Variants in DNAJC7 observed in about 807,000 individuals in gnomAD.
DNAJC7 encodes dnaJ homolog subfamily C member 7.
Under a neutral mutation model 67.4 loss-of-function variants are expected in DNAJC7, and 18 were observed. The ratio of observed to expected loss-of-function variants is 0.27; its 90% confidence interval spans 0.18 to 0.40. The LOEUF (loss-of-function observed/expected upper bound fraction) is 0.40, where lower values mean the gene tolerates loss of function less well. DNAJC7 is among the 10% of genes least tolerant of loss of function. The pLI is 1.00. For synonymous variants in DNAJC7, 220 were observed against 207.8 expected, an observed-to-expected ratio of 1.06 and a Z score of -0.50; for missense variants, 419 against 613.8, an observed-to-expected ratio of 0.68 and a Z score of 3.35.
chr17:42,006,796 C>CAA lies in DNAJC7; in HGVS notation c.78-6228_78-6227dup, dbSNP rs57155070. Among the ~76,000 whole-genome samples the CAA allele has an allele frequency of 7.7e-4, 18 of 23,326 alleles. 1 individual carries two copies. The highest frequency in any genetic ancestry group is 3.0e-3 in the East Asian group (2 of 658). The allele number at this position is 23,326 out of a possible 152,430, so 15.3% of individuals were successfully genotyped here. A position where few individuals can be genotyped will look rare whatever the true frequency, so the allele number is the denominator to read the frequency against. ...TGGGCAACAGAGCAAGACTCCGTCT[C>CAA]AAAAAAAAAAAAAAAAAAAAAAGTC... is the stretch of plus-strand genomic sequence containing the variant. On this transcript the variant is annotated intron_variant, in intron 1 of 13. Transcript: ENST00000457167.
At position 41,996,314 on chromosome 17, in the gene DNAJC7, T is replaced by C; in HGVS notation, c.402A>G (p.Gln134=). 1 of 1,613,532 alleles carries C rather than the reference T, an allele frequency of 6.2e-7. No individual in the cohort carries two copies. The highest frequency in any genetic ancestry group is 2.2e-5 in the East Asian group (1 of 44,886). ...ELDHKNAQAQ[Q]EFKNANAVME... is the part of the protein sequence containing the mutation. ...AGAAACAGGATCAGACCCGTACCTCTTGTTGTGCCTGAGCATTTTTATGAT... is the reference window on the plus strand; with the variant it reads ...AGAAACAGGATCAGACCCGTACCTCCTGTTGTGCCTGAGCATTTTTATGAT... The change falls in exon 4 of 14, where the codon CAA becomes CAG. Residue 134 remains glutamine (Q), a synonymous_variant. Transcript: ENST00000457167.
chr17:41,992,274 G>A (rs1377209307), intron 5 of DNAJC7, among the ~76,000 whole-genome samples: 1 of 152,156 alleles, frequency 6.6e-6, no homozygotes, highest in Admixed American at 6.6e-5. Flanking sequence ...CCGGGTTCAA[G>A]CAATTCTCCT....
intron 9 of DNAJC7, among the ~76,000 whole-genome samples, chr17:41,986,668 G>A (rs1276078858): frequency 1.3e-5 from 2 of 151,336 alleles, no homozygotes; most frequent in South Asian, 4.2e-4. Flanking sequence ...TTCTGCTTCT[G>A]TGTGCCAGTG....
At chr17:42,001,307 T>C (rs2051800789) in intron 1 of DNAJC7, among the ~76,000 whole-genome samples, 1 of 152,182 alleles carries the variant, frequency 6.6e-6, no homozygotes, top group Non-Finnish European at 1.5e-5. Flanking sequence ...GTACCTTATA[T>C]ATTCAGCAAC....
chr17:41,987,712 G>T, intron 9 of DNAJC7, 107 bp downstream of exon 9: 2 of 912,890 alleles, frequency 2.2e-6, no homozygotes, highest in Non-Finnish European at 3.3e-6. Flanking sequence ...CAGGGGGAAG[G>T]ACCAAATGAC....
At chr17:41,993,936 G>A (rs558816726) in intron 5 of DNAJC7, among the ~76,000 whole-genome samples, 4 of 150,584 alleles carry the variant, frequency 2.7e-5, no homozygotes, top group African/African-American at 4.9e-5. Context: ...CCAGCTACTC[G>A]GGAGGCTGAG....
At chr17:41,982,611 TGA>T (rs1450818991) in intron 10 of DNAJC7, among the ~76,000 whole-genome samples, 13 of 152,020 alleles carry the variant, frequency 8.6e-5, no homozygotes. Context: ...CCTGCATCAA[TGA>T]GAGATGCAGG....
At chr17:41,999,718 C>A (rs946374996) in intron 2 of DNAJC7, among the ~76,000 whole-genome samples, 2 of 152,036 alleles carry the variant, frequency 1.3e-5, no homozygotes, top group Non-Finnish European at 2.9e-5. Context: ...AGGGTTTCAC[C>A]ATGTTAGCCA....
At chr17:41,998,012 G>A (rs996631452) in intron 2 of DNAJC7, among the ~76,000 whole-genome samples, 6 of 152,130 alleles carry the variant, frequency 3.9e-5, no homozygotes, top group Admixed American at 2.0e-4. Flanking sequence ...ACAGGCACAC[G>A]CCACCACATC....
intron 12 of DNAJC7, among the ~76,000 whole-genome samples, chr17:41,979,681 G>T (rs1336236703): frequency 4.8e-4 from 16 of 33,480 alleles, no homozygotes; most frequent in Non-Finnish European, 8.9e-4. Context: ...AAAAAAAAAA[G>T]GCCGGGCGCG....
At chr17:41,982,438 ACT>A (rs1479720515) in intron 10 of DNAJC7, 37 bp from the exon 11 acceptor site, 1 of 1,606,052 alleles carries the variant, frequency 6.2e-7, no homozygotes, top group Non-Finnish European at 8.5e-7. Context: ...GACAAATCTG[ACT>A]CTGGTTTTTT....
intron 4 of DNAJC7, among the ~76,000 whole-genome samples, chr17:41,995,479 T>C (rs1038643600): frequency 6.6e-6 from 1 of 152,254 alleles, no homozygotes; most frequent in Non-Finnish European, 1.5e-5. Flanking sequence ...ACTGTATATA[T>C]GGCAGTGCTC....
chr17:41,990,726 G>A (rs1555647663), intron 5 of DNAJC7, among the ~76,000 whole-genome samples: 1 of 151,328 alleles, frequency 6.6e-6, no homozygotes, highest in Non-Finnish European at 1.5e-5. Context: ...GAGTGCAGTG[G>A]CAGGATCTTG....
intron 1 of DNAJC7, chr17:42,017,043 G>A (rs1230569467): frequency 7.5e-7 from 1 of 1,339,992 alleles, no homozygotes. Flanking sequence ...CCCCCACCTC[G>A]CACCAGACCT....
chr17:41,977,950 T>A (rs1555645248), intron 12 of DNAJC7, among the ~76,000 whole-genome samples: 1 of 152,034 alleles, frequency 6.6e-6, no homozygotes, highest in Non-Finnish European at 1.5e-5. Context: ...CAAGACCCTG[T>A]CTTAATAACA....
intron 1 of DNAJC7, among the ~76,000 whole-genome samples, chr17:42,008,309 CA>C (rs1310379901): frequency 1.6e-5 from 2 of 124,140 alleles, no homozygotes; most frequent in African/African-American, 3.0e-5. Context: ...GACTCCGTCT[CA>C]AAAAAGAAAA....
intron 7 of DNAJC7, 147 bp downstream of exon 7, chr17:41,989,257 A>G (rs2051453804): frequency 8.6e-7 from 1 of 1,161,578 alleles, no homozygotes; most frequent in South Asian, 1.6e-5. Context: ...GTAGTCCTGA[A>G]ACCATTTCTA....
intron 1 of DNAJC7, chr17:42,016,750 T>G: frequency 5.8e-6 from 1 of 171,936 alleles, no homozygotes; most frequent in Non-Finnish European, 1.2e-5. Context: ...GGAAGAGGAG[T>G]CTGACGTAGA....
At chr17:41,987,148 G>A (rs2051404813) in intron 9 of DNAJC7, among the ~76,000 whole-genome samples, 1 of 152,128 alleles carries the variant, frequency 6.6e-6, no homozygotes, top group African/African-American at 2.4e-5. Flanking sequence ...AGTAAGAGGA[G>A]CAACCATGCC....
Sources: allele counts gnomAD v4.1 joint callset (sites outside exome capture counted in the v4.1 genomes callset), GRCh38; gene constraint gnomAD v4.1.1; transcripts MANE v1.5; gene names NCBI Gene and HGNC (gene_info 2026-07-23, HGNC 2026-07-21).